The following MAP4K3 variants were observed in gnomAD, a reference collection of about 807,000 sequenced individuals.
The protein encoded by MAP4K3 is MAPK/ERK kinase kinase kinase 3.
In MAP4K3, 94 loss-of-function variants were observed where a neutral mutation model predicts 143.5. The ratio of observed to expected loss-of-function variants is 0.65; its 90% CI spans 0.55 to 0.78. The LOEUF is 0.78. MAP4K3 is among the 30% of genes least tolerant of loss of function. MAP4K3 has a pLI of 0.00. For synonymous variants in MAP4K3, 416 were observed against 347.2 expected, an observed-to-expected ratio of 1.20 and a Z score of -2.20; for missense variants, 1,077 against 1,068.1, an observed-to-expected ratio of 1.01 and a Z score of -0.12.
chr2:39,250,550 A>T lies in MAP4K3; in HGVS notation c.*68T>A. 1 of 1,398,092 alleles carries T rather than the reference A, an allele frequency of 7.2e-7. No individual in the cohort carries two copies. The highest frequency in any genetic ancestry group is 2.3e-5 in the East Asian group (1 of 43,408). The allele number at this position is 1,398,092 out of a possible 1,614,324, so 86.6% of individuals were successfully genotyped here. ...TTACTGCAGCTTTTGTACAGCTTCA[A>T]GCATCCATTAATGTTGCAGTGGTAG... On this transcript the variant is annotated 3_prime_UTR_variant, in exon 34 of 34. Transcript: ENST00000263881.
In MAP4K3 at chr2:39,336,504, CTA is replaced by C. The variant is rs1173622565; in HGVS notation, c.414+414_414+415del. Among the ~76,000 whole-genome samples, 6 of 109,562 alleles carry C rather than the reference CTA, an allele frequency of 5.5e-5. No homozygotes were observed. In the East Asian group the frequency reaches 1.8e-3, roughly 33 times the overall value. The allele number at this position is 109,562 out of a possible 152,430, so 71.9% of individuals were successfully genotyped here. ...AAAAAAAAAAAAAAAAAAAAAAAGA[CTA>C]TGAGAAAGTGTCAAAGGTCAATTTA... On this transcript the variant is annotated intron_variant, in intron 6 of 33. Transcript: ENST00000263881.
At chr2:39,343,615 TA>T (rs747735099) in intron 3 of MAP4K3, among the ~76,000 whole-genome samples, 163 bp from the exon 4 acceptor site, 1 of 152,192 alleles carries the variant, frequency 6.6e-6, no homozygotes, top group Non-Finnish European at 1.5e-5. Context: ...AATTACTTAA[TA>T]TAATGTGTTA....
chr2:39,307,036 ATC>A (rs1460230303), intron 15 of MAP4K3, among the ~76,000 whole-genome samples: 5 of 152,238 alleles, frequency 3.3e-5, no homozygotes, highest in Admixed American at 6.5e-5. Context: ...TATGTCTAAA[ATC>A]TCTTTTATAT....
chr2:39,413,386 GA>G (rs1180026509), intron 1 of MAP4K3, among the ~76,000 whole-genome samples: 1 of 152,122 alleles, frequency 6.6e-6, no homozygotes, highest in Non-Finnish European at 1.5e-5. Flanking sequence ...CCATTATGAG[GA>G]AAGGGGGCAA....
intron 12 of MAP4K3, chr2:39,323,245 T>C (rs1234816239): frequency 6.6e-6 from 1 of 152,208 alleles, no homozygotes; most frequent in African/African-American, 2.4e-5. Flanking sequence ...ATAATTATAA[T>C]ACCAAAACAA....
chr2:39,322,728 C>A lies in MAP4K3; in HGVS notation c.918+2790G>T, dbSNP rs148675946. ...TCTGTTGCCCAGGCTGGAGTGCAGT[C>A]GCATGATCTTGGCTCACTATAACCT... On this transcript the variant is annotated intron_variant, in intron 12 of 33. Coordinates refer to ENST00000263881, the MANE Select transcript of MAP4K3 (RefSeq NM_003618.4). 3.9e-4 allele frequency among the ~76,000 whole-genome samples: 58 copies of A among 147,196 alleles called. 2 individuals carry two copies. In the East Asian group the frequency reaches 0.011, roughly 29 times the overall value.
intron 18 of MAP4K3, 23 bp from the exon 19 acceptor site, chr2:39,290,357 T>C: frequency 2.0e-6 from 3 of 1,524,176 alleles, no homozygotes; most frequent in Non-Finnish European, 2.7e-6. Context: ...AAGTTTAGAA[T>C]CAGAACTATT....
At chr2:39,285,645 A>G (rs1681739343) in intron 21 of MAP4K3, among the ~76,000 whole-genome samples, 1 of 152,156 alleles carries the variant, frequency 6.6e-6, no homozygotes, top group African/African-American at 2.4e-5. Context: ...AGTTAAACAG[A>G]TATAGCACAA....
intron 1 of MAP4K3, among the ~76,000 whole-genome samples, chr2:39,394,287 T>C (rs1666745241): frequency 6.6e-6 from 1 of 152,094 alleles, no homozygotes; most frequent in South Asian, 2.1e-4. Flanking sequence ...GGGAGAAACA[T>C]AAAGGAGGAG....
chr2:39,429,064 CAAAAAAAAAAAAAAA>C (rs34783806), intron 1 of MAP4K3, among the ~76,000 whole-genome samples: 17 of 60,100 alleles, frequency 2.8e-4, no homozygotes, highest in African/African-American at 1.3e-3. Flanking sequence ...GACTCCGTCT[CAAAAAAAAAAAAAAA>C]AAAAAAAAAA....
intron 21 of MAP4K3, among the ~76,000 whole-genome samples, chr2:39,285,081 A>T (rs1681712629): frequency 6.6e-6 from 1 of 151,850 alleles, no homozygotes. Flanking sequence ...TTGTAGAGAC[A>T]GGGTTTTGCT....
At chr2:39,296,907 A>C (rs1682304858) in intron 16 of MAP4K3, among the ~76,000 whole-genome samples, 1 of 152,146 alleles carries the variant, frequency 6.6e-6, no homozygotes, top group Non-Finnish European at 1.5e-5. Flanking sequence ...GTACTATTAT[A>C]TTATCCATTT....
chr2:39,251,861 T>G lies in MAP4K3; in HGVS notation c.2566A>C (p.Thr856Pro). 2 of 1,613,692 alleles carry G rather than the reference T, an allele frequency of 1.2e-6. No homozygotes were observed. The highest frequency in any genetic ancestry group is 1.1e-5 in the South Asian group (1 of 91,038). ...NEVTQEISDSTRIFRLLGSDR... is the reference protein window; with the variant it reads ...NEVTQEISDSPRIFRLLGSDR... ...GATCCAAGCAGCCTGAAAATTCTTG[T>G]GCTATCTGAAATTTCTTGTGTTACC... Residue 856 changes from threonine to proline, a missense_variant, in exon 33 of 34, where the codon ACA (threonine) becomes CCA (proline). By Grantham distance (38) the Thr-to-Pro change is conservative (BLOSUM62 -1). Transcript: ENST00000263881.
At chr2:39,428,412 G>T (rs1016290614) in intron 1 of MAP4K3, among the ~76,000 whole-genome samples, 4 of 152,066 alleles carry the variant, frequency 2.6e-5, no homozygotes, top group Non-Finnish European at 1.5e-5. Flanking sequence ...AGTGGCTCAC[G>T]CCTGTAATCC....
chr2:39,266,679 C>T (rs1223710094), intron 27 of MAP4K3, among the ~76,000 whole-genome samples: 2 of 152,050 alleles, frequency 1.3e-5, no homozygotes, highest in Non-Finnish European at 1.5e-5. Flanking sequence ...TGTTTATCGT[C>T]CCTTTTATAA....
chr2:39,387,227 C>A (rs764530321), intron 1 of MAP4K3, among the ~76,000 whole-genome samples: 1 of 152,162 alleles, frequency 6.6e-6, no homozygotes, highest in Admixed American at 6.5e-5. Flanking sequence ...CTTTGCCTTT[C>A]CATATAAATT....
chr2:39,311,801 C>T (rs1052772173), intron 13 of MAP4K3, among the ~76,000 whole-genome samples: 1 of 152,196 alleles, frequency 6.6e-6, no homozygotes, highest in African/African-American at 2.4e-5. Context: ...ACTCAGCTAA[C>T]CTGTCCTGGA....
intron 1 of MAP4K3, among the ~76,000 whole-genome samples, chr2:39,416,363 T>C (rs1667379033): frequency 6.6e-6 from 1 of 152,146 alleles, no homozygotes; most frequent in Non-Finnish European, 1.5e-5. Context: ...CGGCAGCCAA[T>C]AAAACGCCTT....
At chr2:39,345,464 T>C (rs1665260992) in intron 3 of MAP4K3, among the ~76,000 whole-genome samples, 1 of 152,008 alleles carries the variant, frequency 6.6e-6, no homozygotes, top group Admixed American at 6.6e-5. Context: ...ATAGGTCACA[T>C]ATGGTTGGGT....
Sources: allele counts gnomAD v4.1 joint callset (sites outside exome capture counted in the v4.1 genomes callset), GRCh38; gene constraint gnomAD v4.1.1; transcripts MANE v1.5; gene names NCBI Gene and HGNC (gene_info 2026-07-23, HGNC 2026-07-21).